COBL: variants seen among roughly 807,000 people sequenced by gnomAD.
COBL encodes cordon-bleu WH2 repeat protein.
Under a neutral mutation model 98.8 loss-of-function variants are expected in COBL, and 51 were observed. That is an observed-to-expected ratio of 0.52 (90% CI 0.41 to 0.65). The LOEUF (loss-of-function observed/expected upper bound fraction) is 0.65. Ranked by LOEUF, COBL falls within the 30% of genes least tolerant of loss-of-function variation. The pLI is 0.00. For missense variants in COBL, 1,617 were observed against 1,617.5 expected (o/e 1.00, Z 0.01); for synonymous variants, 634 against 651.7 (o/e 0.97, Z 0.41).
chr7:51,058,276 C>T (rs192189178), intron 7 of COBL, among the ~76,000 whole-genome samples: 135 of 152,038 alleles, frequency 8.9e-4, no homozygotes, highest in South Asian at 3.5e-3. Context: ...TTATGGGTAC[C>T]GTGACTCGCA....
chr7:51,028,910 C>T lies in COBL; in HGVS notation c.2186G>A (p.Gly729Glu), dbSNP rs1444430008. 1 of 1,614,196 alleles carries T rather than the reference C, an allele frequency of 6.2e-7. No homozygotes were observed. Among genetic ancestry groups the T allele is most frequent in the Admixed American group, 1.7e-5 (1 of 60,026 alleles). Reference sequence around the variant, plus strand: ...CCCCAGCTCGTCAATCTTAATGGCTCCGGTGGAGAGGGACACATCTCTGTC... The same window carrying T: ...CCCCAGCTCGTCAATCTTAATGGCTTCGGTGGAGAGGGACACATCTCTGTC... ...CYDRDVSLST[G>E]AIKIDELGNL... The change falls in exon 10 of 13, where the codon GGA becomes GAA. Residue 729 changes from glycine (G) to glutamate (E), a missense_variant. Physicochemically the swap from Gly to Glu is moderately conservative, Grantham distance 98. This residue lies in a region of COBL where 1,304 missense variants were observed against 1,282.0 expected (regional missense o/e 1.02). Coordinates refer to ENST00000265136, the MANE Select transcript of COBL (RefSeq NM_015198.5).
intron 7 of COBL, among the ~76,000 whole-genome samples, chr7:51,082,306 C>T (rs1793734536): frequency 6.6e-6 from 1 of 152,160 alleles, no homozygotes; most frequent in Non-Finnish European, 1.5e-5. Flanking sequence ...AGAAGTGTCG[C>T]CGCCCAGCTG....
At chr7:51,019,325 C>T (rs916940) in intron 12 of COBL, among the ~76,000 whole-genome samples, 99,381 of 151,606 alleles carry the variant, frequency 0.66, 35,001 homozygotes, top group Non-Finnish European at 0.8. Flanking sequence ...CATCACATGA[C>T]ACGATGGGCA....
intron 1 of COBL, among the ~76,000 whole-genome samples, chr7:51,241,227 C>T (rs934330914): frequency 3.9e-5 from 6 of 152,342 alleles, no homozygotes; most frequent in African/African-American, 1.4e-4. Context: ...GAAGTCTCAA[C>T]GTGTCCCTCC....
chr7:51,248,526 T>C (rs1796459785), intron 1 of COBL, among the ~76,000 whole-genome samples: 2 of 152,208 alleles, frequency 1.3e-5, no homozygotes, highest in Admixed American at 1.3e-4. Flanking sequence ...AGACGGAGGA[T>C]AGGGGTCTAA....
chr7:51,115,020 G>A (rs1366668862), intron 6 of COBL, among the ~76,000 whole-genome samples: 1 of 152,140 alleles, frequency 6.6e-6, no homozygotes, highest in East Asian at 1.9e-4. Context: ...GTTTCAGCTT[G>A]TGTCAAATGG....
chr7:51,187,329 T>TACACACACAC (rs1408641065), intron 4 of COBL, among the ~76,000 whole-genome samples: 75 of 142,424 alleles, frequency 5.3e-4, no homozygotes, highest in African/African-American at 1.9e-3. Context: ...TATATATATA[T>TACACACACAC]ATACACACAC....
chr7:51,051,617 G>T (rs967261668), intron 7 of COBL, among the ~76,000 whole-genome samples: 1 of 152,144 alleles, frequency 6.6e-6, no homozygotes, highest in African/African-American at 2.4e-5. Context: ...GTTTAAATGG[G>T]GGTATCAGCG....
chr7:51,262,135 G>A (rs1355671397), intron 1 of COBL, among the ~76,000 whole-genome samples: 6 of 152,178 alleles, frequency 3.9e-5, no homozygotes, highest in Non-Finnish European at 5.9e-5. Flanking sequence ...CGCACTCACC[G>A]CACAGCAGCC....
chr7:51,055,603 C>T (rs1338312030), intron 7 of COBL, among the ~76,000 whole-genome samples: 1 of 152,216 alleles, frequency 6.6e-6, no homozygotes, highest in Non-Finnish European at 1.5e-5. Flanking sequence ...ACCCCATACC[C>T]CCATGAGTTT....
Position 51,316,777 on chromosome 7 carries a change from G to C in COBL, c.-144C>G, listed in dbSNP as rs1803659375. 1.1e-5 allele frequency: 7 copies of C among 615,148 alleles called. No individual in the cohort carries two copies. Among genetic ancestry groups the C allele is most frequent in the Non-Finnish European group, 1.6e-5 (7 of 438,224 alleles). The allele number at this position is 615,148 out of a possible 1,614,324, so 38.1% of individuals were successfully genotyped here. On this transcript the variant is annotated 5_prime_UTR_variant, in exon 1 of 13. Transcript: ENST00000265136. ...CGGGCCGGCGGAGGACAGCGGCGGA[G>C]CGCGGCGGACGGAAGGGGCTGGAAT...
intron 1 of COBL, among the ~76,000 whole-genome samples, chr7:51,237,873 G>A (rs1046358058): frequency 6.6e-6 from 1 of 152,176 alleles, no homozygotes; most frequent in Non-Finnish European, 1.5e-5. Context: ...GAAGCTTTGT[G>A]GTTCTCTCTG....
chr7:51,191,153 C>A, intron 3 of COBL, 75 bp from the exon 4 acceptor site: 1 of 1,335,370 alleles, frequency 7.5e-7, no homozygotes, highest in Non-Finnish European at 1.0e-6. Context: ...GTCAATTTGA[C>A]AATTGGGTGT....
At chr7:51,088,347 C>G (rs1037951336) in intron 6 of COBL, among the ~76,000 whole-genome samples, 2 of 106,268 alleles carry the variant, frequency 1.9e-5, no homozygotes, top group Non-Finnish European at 4.0e-5. Flanking sequence ...GATTTCCCCC[C>G]CTCTTGGAAA....
At chr7:51,300,841 C>T (rs1347006262) in intron 1 of COBL, among the ~76,000 whole-genome samples, 1 of 152,200 alleles carries the variant, frequency 6.6e-6, no homozygotes, top group Non-Finnish European at 1.5e-5. Context: ...ACCCTTCCCA[C>T]CCTTTCCCCA....
intron 7 of COBL, chr7:51,083,137 A>AGGG: frequency 1.5e-6 from 1 of 650,396 alleles, no homozygotes; most frequent in Non-Finnish European, 2.2e-6. Flanking sequence ...CTGTGTCGGG[A>AGGG]GGAGGGTAGG....
At chr7:51,095,795 G>T (rs1474281765) in intron 6 of COBL, among the ~76,000 whole-genome samples, 1 of 151,942 alleles carries the variant, frequency 6.6e-6, no homozygotes, top group East Asian at 1.9e-4. Flanking sequence ...AAACAAAGAA[G>T]GACCTTATAT....
chr7:51,026,487 G>T, intron 11 of COBL, 59 bp downstream of exon 11: 2 of 1,592,896 alleles, frequency 1.3e-6, no homozygotes, highest in South Asian at 2.2e-5. Context: ...CAAGTGCCTC[G>T]GAAGAAGGGG....
At chr7:51,083,048 A>G in intron 7 of COBL, 2 of 1,531,842 alleles carry the variant, frequency 1.3e-6, no homozygotes, top group Non-Finnish European at 1.7e-6. Context: ...ATGAAGCAAG[A>G]GGAACATACG....
Sources: allele counts gnomAD v4.1 joint callset (sites outside exome capture counted in the v4.1 genomes callset), GRCh38; gene constraint gnomAD v4.1.1; regional missense constraint gnomAD v4.1.1; transcripts MANE v1.5; gene names NCBI Gene and HGNC (gene_info 2026-07-23, HGNC 2026-07-21).